MXD4: variants seen among roughly 807,000 people sequenced by gnomAD.
The protein encoded by MXD4 is MAX dimerization protein 4.
In MXD4, 16 loss-of-function variants were observed where a neutral mutation model predicts 24.5. The ratio of observed to expected loss-of-function variants is 0.65; its 90% CI spans 0.44 to 0.99. MXD4 has a LOEUF of 0.99. Ranked by LOEUF, MXD4 falls within the 50% of genes least tolerant of loss-of-function variation. MXD4 has a pLI of 0.00. For missense variants in MXD4, 301 were observed against 301.5 expected (o/e 1.00, Z 0.01); for synonymous variants, 164 against 134.2 (o/e 1.22, Z -1.54).
At chr4:2,253,401 G>C (rs1298623495) in intron 3 of MXD4, 1 of 152,234 alleles carries the variant, frequency 6.6e-6, no homozygotes, top group African/African-American at 2.4e-5. Flanking sequence ...GGCACCCGGA[G>C]GTTTTGTCAC....
chr4:2,256,070 G>A lies in MXD4; in HGVS notation c.194+1912C>T, dbSNP rs181574740. On this transcript the variant is annotated intron_variant, in intron 3 of 5. Coordinates refer to ENST00000337190, the MANE Select transcript of MXD4 (RefSeq NM_006454.3). ...GGGGACCTCCTGGACGTGCCTGGGG[G>A]AATGTGGGGCAGAGACTCAGCTGAA... 7.9e-4 allele frequency among the ~76,000 whole-genome samples: 120 copies of A among 152,346 alleles called. 1 individual carries two copies. Among genetic ancestry groups the A allele is most frequent in the Admixed American group, 3.5e-3 (54 of 15,306 alleles).
At position 2,252,394 on chromosome 4, in the gene MXD4, C is replaced by T; in HGVS notation, c.309+14G>A. 1 of 1,605,028 alleles carries T rather than the reference C, an allele frequency of 6.2e-7. No individual in the cohort carries two copies. Among genetic ancestry groups the T allele is most frequent in the South Asian group, 1.1e-5 (1 of 90,890 alleles). ...CAGCCAGACAGGGCAGGGTGGAGAG[C>T]AAGGCCCACTCACCTTGATGTGCAC... is the stretch of plus-strand genomic sequence containing the variant. On this transcript the variant is annotated intron_variant, in intron 4 of 5. Transcript: ENST00000337190.
intron 3 of MXD4, chr4:2,254,106 A>G (rs1735376157): frequency 6.6e-6 from 1 of 152,142 alleles, no homozygotes; most frequent in Non-Finnish European, 1.5e-5. Context: ...TCCCTGGTCC[A>G]CTCTAGCAAA....
rs1294607462 is a variant in MXD4, at chr4:2,249,192, G to T, written c.*1352C>A. On this transcript the variant is annotated 3_prime_UTR_variant, in exon 6 of 6. Transcript: ENST00000337190. Reference sequence around the variant, plus strand: ...GGAGATGGGAGGACAGCACTAGCTGGGCAGGCCTGGGGCACCCTGAGCCAC... The same window carrying T: ...GGAGATGGGAGGACAGCACTAGCTGTGCAGGCCTGGGGCACCCTGAGCCAC... 2.6e-5 allele frequency: 4 copies of T among 152,664 alleles called. No individual in the cohort carries two copies. The highest frequency in any genetic ancestry group is 9.6e-5 in the African/African-American group (4 of 41,456). 9.5% of individuals were successfully genotyped at this position (152,664 alleles called of 1,614,324 possible). A position where few individuals can be genotyped will look rare whatever the true frequency, so the allele number is the denominator to read the frequency against.
intron 3 of MXD4, among the ~76,000 whole-genome samples, 177 bp downstream of exon 3, chr4:2,257,805 G>A (rs991029748): frequency 2.0e-5 from 3 of 152,216 alleles, no homozygotes; most frequent in Non-Finnish European, 2.9e-5. Context: ...CTAGCACAGA[G>A]TGCCTGAAAC....
At chr4:2,252,144 G>A (rs903618285) in intron 4 of MXD4, among the ~76,000 whole-genome samples, 5 of 152,106 alleles carry the variant, frequency 3.3e-5, no homozygotes, top group African/African-American at 1.2e-4. Context: ...TCTATGCTGC[G>A]ATGCGGCTTC....
intron 2 of MXD4, chr4:2,260,710 C>T (rs1305046033): frequency 2.5e-6 from 1 of 404,208 alleles, no homozygotes; most frequent in Non-Finnish European, 5.0e-6. Flanking sequence ...GCTCAGGATG[C>T]CACAGAAATG....
intron 2 of MXD4, 59 bp from the exon 3 acceptor site, chr4:2,258,070 G>A (rs1423937039): frequency 1.2e-6 from 2 of 1,605,774 alleles, no homozygotes; most frequent in African/African-American, 1.3e-5. Flanking sequence ...AGGGCACAGA[G>A]AGCAGTGCTC....
chr4:2,258,039 TCA>T, intron 2 of MXD4, 28 bp from the exon 3 acceptor site: 1 of 1,613,302 alleles, frequency 6.2e-7, no homozygotes, highest in South Asian at 1.1e-5. Flanking sequence ...AAGACAGAGC[TCA>T]CTCTTCTGCC....
At chr4:2,252,052 T>G (rs1380541544) in intron 4 of MXD4, among the ~76,000 whole-genome samples, 1 of 151,354 alleles carries the variant, frequency 6.6e-6, no homozygotes, top group Non-Finnish European at 1.5e-5. Flanking sequence ...CCTGGCCCCC[T>G]CTCTCCTTCC....
intron 2 of MXD4, chr4:2,260,512 G>A (rs765095371): frequency 6.1e-5 from 28 of 455,428 alleles, no homozygotes; most frequent in South Asian, 4.0e-4. Context: ...GTTCTCCACG[G>A]GTCAGGGACT....
Position 2,258,157 on chromosome 4 carries a change from G to C in MXD4, c.165-146C>G. 6.3e-6 allele frequency: 6 copies of C among 956,824 alleles called. No individual in the cohort carries two copies. The South Asian group carries it at 8.0e-5, about 13-fold the overall frequency. The allele number at this position is 956,824 out of a possible 1,614,324, so 59.3% of individuals were successfully genotyped here. ...AATGGCCCAGAGCAGTGAGGCCTGGGGCAGGTGAGCAGTTGCCCACCCAGG... is the reference window on the plus strand; with the variant it reads ...AATGGCCCAGAGCAGTGAGGCCTGGCGCAGGTGAGCAGTTGCCCACCCAGG... On this transcript the variant is annotated intron_variant, in intron 2 of 5. Transcript: ENST00000337190.
At chr4:2,257,236 C>T (rs1224983900) in intron 3 of MXD4, among the ~76,000 whole-genome samples, 2 of 152,192 alleles carry the variant, frequency 1.3e-5, no homozygotes, top group African/African-American at 4.8e-5. Flanking sequence ...AGCACGCAGA[C>T]CTGCCCCACT....
chr4:2,250,515 A>G lies in MXD4; in HGVS notation c.*29T>C. The G allele has an allele frequency of 6.5e-7, 1 of 1,527,568 alleles. No individual in the cohort carries two copies. Among genetic ancestry groups the G allele is most frequent in the South Asian group, 1.2e-5 (1 of 81,824 alleles). 94.6% of individuals were successfully genotyped at this position (1,527,568 alleles called of 1,614,324 possible). A position where few individuals can be genotyped will look rare whatever the true frequency, so the allele number is the denominator to read the frequency against. On this transcript the variant is annotated 3_prime_UTR_variant, in exon 6 of 6. Coordinates refer to ENST00000337190, the MANE Select transcript of MXD4 (RefSeq NM_006454.3). ...GGGCTGACACGCGTGGCTGGCGGGCAGGCAGGCCAAGGAGCAGAGGGCACG... is the reference window on the plus strand; with the variant it reads ...GGGCTGACACGCGTGGCTGGCGGGCGGGCAGGCCAAGGAGCAGAGGGCACG...
At chr4:2,256,140 G>A (rs1735423794) in intron 3 of MXD4, among the ~76,000 whole-genome samples, 2 of 152,154 alleles carry the variant, frequency 1.3e-5, no homozygotes. Flanking sequence ...TTCAGCGGCT[G>A]TCAAGGGCCA....
intron 2 of MXD4, chr4:2,259,057 G>T (rs138171113): frequency 1.6e-5 from 7 of 437,128 alleles, no homozygotes; most frequent in South Asian, 8.0e-5. Flanking sequence ...CCAGGATGCC[G>T]CTGCACAGGT....
intron 3 of MXD4, chr4:2,255,001 G>A (rs1560113841): frequency 3.3e-6 from 1 of 298,978 alleles, no homozygotes; most frequent in Non-Finnish European, 6.5e-6. Context: ...AAAGGTCTGC[G>A]CTCACCAAGG....
chr4:2,262,063 C>G lies in MXD4; in HGVS notation c.-83G>C. On this transcript the variant is annotated 5_prime_UTR_variant, in exon 1 of 6. Coordinates refer to ENST00000337190, the MANE Select transcript of MXD4 (RefSeq NM_006454.3). The stretch of plus-strand genomic sequence containing the variant: ...GGCCGGCTCCGCTCGCCGCCCACCC[C>G]GCGCGCCCGGCCGCCGCACTTCCAG... 1 of 794,550 alleles carries G rather than the reference C, an allele frequency of 1.3e-6. No homozygotes were observed. Among genetic ancestry groups the G allele is most frequent in the Non-Finnish European group, 1.5e-6 (1 of 655,950 alleles). The allele number at this position is 794,550 out of a possible 1,614,324, so 49.2% of individuals were successfully genotyped here. A position where few individuals can be genotyped will look rare whatever the true frequency, so the allele number is the denominator to read the frequency against.
chr4:2,260,208 C>G (rs771018061), intron 2 of MXD4, among the ~76,000 whole-genome samples: 3 of 152,220 alleles, frequency 2.0e-5, no homozygotes, highest in African/African-American at 4.8e-5. Context: ...TCTCCCTCAC[C>G]AGTGCCCCCA....
Sources: gnomAD v4.1 joint callset for allele counts (sites outside exome capture counted in the v4.1 genomes callset) on GRCh38, gnomAD v4.1.1 for gene constraint, MANE v1.5 for transcripts, NCBI Gene and HGNC (gene_info 2026-07-23, HGNC 2026-07-21) for gene names.